KIAA1328: variants seen among roughly 807,000 people sequenced by gnomAD.
KIAA1328 encodes protein hinderin.
In KIAA1328, 52 loss-of-function variants were observed where a neutral mutation model predicts 68.1. The ratio of observed to expected loss-of-function variants is 0.76; its 90% CI spans 0.61 to 0.96. The LOEUF (loss-of-function observed/expected upper bound fraction) is 0.96. Ranked by LOEUF, KIAA1328 falls within the 40% of genes least tolerant of loss-of-function variation. The probability of loss-of-function intolerance (pLI) is 0.00; values close to 1 mark genes in which losing one functional copy is unlikely to be tolerated. For missense variants in KIAA1328, 641 were observed against 677.6 expected, an observed-to-expected ratio of 0.95 and a Z score of 0.60; for synonymous variants, 232 against 239.4, an observed-to-expected ratio of 0.97 and a Z score of 0.28.
Position 36,835,300 on chromosome 18 carries a change from T to A in KIAA1328, c.161T>A (p.Leu54His), listed in dbSNP as rs1442917017. 1 of 1,613,696 alleles carries A rather than the reference T, an allele frequency of 6.2e-7. No individual in the cohort carries two copies. Among genetic ancestry groups the A allele is most frequent in the Non-Finnish European group, 8.5e-7 (1 of 1,179,766 alleles). The change falls in exon 3 of 10, where the codon CTT becomes CAT. Residue 54 changes from leucine (L) to histidine (H), a missense_variant. Coordinates refer to ENST00000280020, the MANE Select transcript of KIAA1328 (RefSeq NM_020776.3). ...ATGAGTCCAAAAGCTGATGTTAAAC[T>A]TAAGACTTCCAGGGTGACTGATGCT... ...KLMSPKADVKLKTSRVTDASI... is the reference protein window; with the variant it reads ...KLMSPKADVKHKTSRVTDASI...
intron 7 of KIAA1328, among the ~76,000 whole-genome samples, chr18:37,116,618 A>G (rs2058116271): frequency 6.6e-6 from 1 of 152,258 alleles, no homozygotes; most frequent in South Asian, 2.1e-4. Context: ...CTTTATGACT[A>G]AAACACCAAA....
intron 7 of KIAA1328, among the ~76,000 whole-genome samples, chr18:37,159,786 CACAA>C (rs1278581256): frequency 1.3e-5 from 2 of 152,192 alleles, no homozygotes; most frequent in Non-Finnish European, 2.9e-5. Context: ...AAATTAGAAA[CACAA>C]ACGCGTTTGT....
intron 5 of KIAA1328, among the ~76,000 whole-genome samples, chr18:36,914,857 G>T (rs1263416945): frequency 6.6e-6 from 1 of 152,022 alleles, no homozygotes; most frequent in Non-Finnish European, 1.5e-5. Context: ...AATGAAACAG[G>T]TATTAAATAT....
intron 4 of KIAA1328, among the ~76,000 whole-genome samples, chr18:36,850,461 T>A (rs748515543): frequency 1.3e-5 from 2 of 152,150 alleles, no homozygotes; most frequent in Non-Finnish European, 2.9e-5. Flanking sequence ...AGACCTTCAG[T>A]GGATGCCTGA....
At chr18:36,855,364 A>G (rs557266359) in intron 4 of KIAA1328, among the ~76,000 whole-genome samples, 5 of 152,270 alleles carry the variant, frequency 3.3e-5, no homozygotes, top group African/African-American at 9.6e-5. Flanking sequence ...TTTAAATGAT[A>G]TCTTATTGCA....
At chr18:37,029,408 G>A (rs554810128) in intron 6 of KIAA1328, among the ~76,000 whole-genome samples, 2 of 151,942 alleles carry the variant, frequency 1.3e-5, no homozygotes, top group African/African-American at 4.8e-5. Context: ...AGGTCTCACT[G>A]TGTCGCCCAG....
intron 4 of KIAA1328, among the ~76,000 whole-genome samples, chr18:36,873,820 T>A (rs1354880328): frequency 6.6e-6 from 1 of 152,200 alleles, no homozygotes. Flanking sequence ...GTATTTCTCC[T>A]TATGCTATCC....
intron 5 of KIAA1328, among the ~76,000 whole-genome samples, chr18:36,957,518 T>C (rs1170782320): frequency 6.6e-6 from 1 of 152,142 alleles, no homozygotes; most frequent in Non-Finnish European, 1.5e-5. Context: ...CAACTGGCAA[T>C]TTTTAGGAGT....
intron 6 of KIAA1328, among the ~76,000 whole-genome samples, chr18:37,050,858 A>C (rs538352032): frequency 1.3e-5 from 2 of 152,264 alleles, no homozygotes; most frequent in African/African-American, 4.8e-5. Flanking sequence ...GATTGGTATG[A>C]TTTCTCATCT....
chr18:37,017,836 T>C (rs2054205720), intron 6 of KIAA1328, among the ~76,000 whole-genome samples: 3 of 152,206 alleles, frequency 2.0e-5, no homozygotes, highest in Admixed American at 2.0e-4. Context: ...ATCCTTTACT[T>C]TGATCCTATC....
chr18:36,975,048 A>G (rs185215536), intron 6 of KIAA1328, among the ~76,000 whole-genome samples: 5 of 152,296 alleles, frequency 3.3e-5, no homozygotes, highest in Non-Finnish European at 1.5e-5. Flanking sequence ...GCTGAGATAA[A>G]AAGTCTTGAG....
At chr18:37,006,206 A>G (rs539379748) in intron 6 of KIAA1328, among the ~76,000 whole-genome samples, 1 of 152,242 alleles carries the variant, frequency 6.6e-6, no homozygotes, top group South Asian at 2.1e-4. Flanking sequence ...TGAAAGTCAA[A>G]TTTATTTTGC....
intron 7 of KIAA1328, among the ~76,000 whole-genome samples, chr18:37,067,850 G>A (rs1021091399): frequency 1.3e-5 from 2 of 151,990 alleles, no homozygotes; most frequent in East Asian, 1.9e-4. Flanking sequence ...GAGCTACCGC[G>A]CCTGCCCAAG....
intron 7 of KIAA1328, among the ~76,000 whole-genome samples, chr18:37,117,870 T>A (rs11081988): frequency 0.14 from 20,504 of 146,298 alleles, 1,731 homozygotes; most frequent in Admixed American, 0.19. Context: ...ACGGACGTAG[T>A]TGGTTTAAAA....
chr18:37,100,594 G>C (rs979787760), intron 7 of KIAA1328, among the ~76,000 whole-genome samples: 2 of 152,228 alleles, frequency 1.3e-5, no homozygotes, highest in Non-Finnish European at 2.9e-5. Flanking sequence ...ACCTCTGGGG[G>C]CAGGGCATAG....
chr18:36,858,532 A>G (rs936364934), intron 4 of KIAA1328, among the ~76,000 whole-genome samples: 1 of 152,236 alleles, frequency 6.6e-6, no homozygotes, highest in African/African-American at 2.4e-5. Flanking sequence ...TAATTAGCCT[A>G]TCAACTTTGT....
At chr18:36,905,733 T>G (rs760759464) in intron 5 of KIAA1328, among the ~76,000 whole-genome samples, 3 of 152,190 alleles carry the variant, frequency 2.0e-5, no homozygotes, top group African/African-American at 7.2e-5. Flanking sequence ...CTGGAAATTA[T>G]TGGGCAACAT....
chr18:37,174,970 C>A (rs530894699), intron 9 of KIAA1328, among the ~76,000 whole-genome samples: 1 of 152,120 alleles, frequency 6.6e-6, no homozygotes, highest in African/African-American at 2.4e-5. Context: ...CATGCCCAGC[C>A]GCTTTCTTTT....
chr18:36,888,594 G>A (rs536713511), intron 5 of KIAA1328, among the ~76,000 whole-genome samples: 4 of 151,970 alleles, frequency 2.6e-5, no homozygotes, highest in Non-Finnish European at 5.9e-5. Context: ...CAAAATATAG[G>A]TAGTATTTAT....
Sources: gnomAD v4.1 joint callset for allele counts (sites outside exome capture counted in the v4.1 genomes callset) on GRCh38, gnomAD v4.1.1 for gene constraint, MANE v1.5 for transcripts, NCBI Gene and HGNC (gene_info 2026-07-23, HGNC 2026-07-21) for gene names.